The following SEMA6A variants were observed in gnomAD, a reference collection of about 807,000 sequenced individuals.
SEMA6A encodes semaphorin-6A.
Under a neutral mutation model 96.8 loss-of-function variants are expected in SEMA6A, and 25 were observed. That is an observed-to-expected ratio of 0.26 (90% CI 0.19 to 0.36). The LOEUF is 0.36. Among genes scored for constraint, SEMA6A ranks in the 10% least tolerant of loss-of-function variants. The pLI is 1.00. For missense variants in SEMA6A, 1,363 were observed against 1,323.1 expected, an observed-to-expected ratio of 1.03 and a Z score of -0.47; for synonymous variants, 612 against 518.0, an observed-to-expected ratio of 1.18 and a Z score of -2.46.
chr5:116,449,460 A>C, intron 18 of SEMA6A: 1 of 662,044 alleles, frequency 1.5e-6, no homozygotes, highest in South Asian at 1.6e-5. Context: ...CAAGCCCACA[A>C]CACGCAACCT....
intron 1 of SEMA6A, among the ~76,000 whole-genome samples, chr5:116,536,868 A>T (rs1184735841): frequency 8.8e-5 from 9 of 102,182 alleles, no homozygotes; most frequent in Non-Finnish European, 1.3e-4. Flanking sequence ...TGATTTCTTA[A>T]AAAAAAAAAA....
chr5:116,463,388 A>G (rs558286269), intron 18 of SEMA6A, among the ~76,000 whole-genome samples: 1 of 152,210 alleles, frequency 6.6e-6, no homozygotes, highest in East Asian at 1.9e-4. Flanking sequence ...ATAATTAACT[A>G]TAAAGAGAAT....
intron 18 of SEMA6A, among the ~76,000 whole-genome samples, chr5:116,459,774 C>A (rs1282578928): frequency 6.6e-6 from 1 of 152,174 alleles, no homozygotes; most frequent in Non-Finnish European, 1.5e-5. Flanking sequence ...AGACTTCACT[C>A]TGCCCCAGCA....
chr5:116,568,140 C>G (rs1761083108), intron 1 of SEMA6A, among the ~76,000 whole-genome samples: 1 of 152,202 alleles, frequency 6.6e-6, no homozygotes, highest in Non-Finnish European at 1.5e-5. Context: ...GAAGTAGGAT[C>G]TCTGTTATAT....
chr5:116,527,435 T>TG (rs1759277804), intron 1 of SEMA6A, among the ~76,000 whole-genome samples: 2 of 152,270 alleles, frequency 1.3e-5, no homozygotes, highest in South Asian at 4.1e-4. Context: ...AGGAAATACA[T>TG]GCGCTTTTTT....
chr5:116,569,451 T>C (rs1203980425), intron 1 of SEMA6A, among the ~76,000 whole-genome samples: 1 of 152,038 alleles, frequency 6.6e-6, no homozygotes, highest in Non-Finnish European at 1.5e-5. Context: ...AGGAAGGACT[T>C]TGGCTTTTAT....
chr5:116,543,586 A>G (rs183428858), intron 1 of SEMA6A, among the ~76,000 whole-genome samples: 429 of 152,346 alleles, frequency 2.8e-3, no homozygotes, highest in Non-Finnish European at 3.4e-3. Flanking sequence ...TTAATTCACA[A>G]CGTGGTCAAG....
intron 1 of SEMA6A, among the ~76,000 whole-genome samples, chr5:116,559,824 C>G (rs990399318): frequency 3.3e-5 from 5 of 152,212 alleles, no homozygotes; most frequent in African/African-American, 1.2e-4. Context: ...ATCCTGTTGG[C>G]TGTACCATGC....
intron 16 of SEMA6A, 131 bp from the exon 17 acceptor site, chr5:116,473,224 AATTTCTGCG>A (rs1390483432): frequency 2.4e-6 from 2 of 817,804 alleles, no homozygotes; most frequent in Non-Finnish European, 3.9e-6. Context: ...AGTGCTTTTT[AATTTCTGCG>A]TGTAATGTAA....
intron 18 of SEMA6A, among the ~76,000 whole-genome samples, chr5:116,457,898 C>T (rs1301673952): frequency 6.6e-6 from 1 of 152,078 alleles, no homozygotes; most frequent in Non-Finnish European, 1.5e-5. Flanking sequence ...CTTTTTCATC[C>T]TCTGTCTTTC....
At chr5:116,466,036 A>G (rs1755712039) in intron 18 of SEMA6A, among the ~76,000 whole-genome samples, 1 of 149,124 alleles carries the variant, frequency 6.7e-6, no homozygotes, top group Non-Finnish European at 1.5e-5. Flanking sequence ...AAACTGAAAG[A>G]AGGAGATGAG....
intron 1 of SEMA6A, among the ~76,000 whole-genome samples, chr5:116,570,861 T>C (rs1761182565): frequency 6.6e-6 from 1 of 152,256 alleles, no homozygotes; most frequent in Non-Finnish European, 1.5e-5. Flanking sequence ...ATACAAGTTC[T>C]TAATTTGGAT....
chr5:116,445,254 G>A lies in SEMA6A; in HGVS notation c.*1359C>T, dbSNP rs1205982789. On this transcript the variant is annotated 3_prime_UTR_variant, in exon 19 of 19. Transcript: ENST00000343348. ...AATATCTGCACTTATTTCAAAAGGG[G>A]GAACAGTTGATCATAAAGAGTTTAC... 1 of 152,598 alleles carries A rather than the reference G, an allele frequency of 6.6e-6. No individual in the cohort carries two copies. The allele number at this position is 152,598 out of a possible 1,614,324, so 9.5% of individuals were successfully genotyped here. A position where few individuals can be genotyped will look rare whatever the true frequency, so the allele number is the denominator to read the frequency against.
intron 15 of SEMA6A, among the ~76,000 whole-genome samples, chr5:116,476,890 A>T (rs1275340728): frequency 1.3e-5 from 2 of 152,240 alleles, no homozygotes; most frequent in Non-Finnish European, 2.9e-5. Context: ...TTTCTAGGTC[A>T]GATTTTATAG....
intron 1 of SEMA6A, among the ~76,000 whole-genome samples, chr5:116,514,885 TG>T (rs746189697): frequency 2.6e-5 from 4 of 152,234 alleles, no homozygotes; most frequent in Non-Finnish European, 4.4e-5. Context: ...ATTCAGTGGA[TG>T]GGCCCCATAG....
chr5:116,562,959 C>T (rs189922245), intron 1 of SEMA6A: 2 of 581,588 alleles, frequency 3.4e-6, no homozygotes, highest in African/African-American at 3.7e-5. Flanking sequence ...ACGTCCCCCC[C>T]ATCCTCTCTG....
In SEMA6A at chr5:116,447,802, C is replaced by T. The variant is rs769807575; in HGVS notation, c.1904G>A (p.Arg635Gln). 5.0e-6 allele frequency: 8 copies of T among 1,594,824 alleles called. No individual in the cohort carries two copies. The highest frequency in any genetic ancestry group is 1.7e-5 in the Admixed American group (1 of 58,980). ...GTCGTGGCCTTTGAGGTAACTTTCC[C>T]GAATCACTCCTGCAATAGACATCGC... ...HNHQDKKGVI[R>Q]ESYLKGHDQL... Residue 635 changes from arginine (R) to glutamine (Q), a missense_variant, in exon 19 of 19, where the codon CGG becomes CAG. Physicochemically the swap from Arg to Gln is conservative, Grantham distance 43. Coordinates refer to ENST00000343348, the MANE Select transcript of SEMA6A (RefSeq NM_020796.5).
chr5:116,520,630 A>AT (rs1408818186), intron 1 of SEMA6A, among the ~76,000 whole-genome samples: 14 of 152,298 alleles, frequency 9.2e-5, no homozygotes, highest in African/African-American at 3.4e-4. Flanking sequence ...TAGAAACTAT[A>AT]AAGATGATTT....
intron 1 of SEMA6A, among the ~76,000 whole-genome samples, chr5:116,523,040 G>A (rs1759032464): frequency 6.6e-6 from 1 of 152,176 alleles, no homozygotes; most frequent in Non-Finnish European, 1.5e-5. Context: ...ACTGTGCAAG[G>A]ATGTGGTCAA....
Sources: gnomAD v4.1 joint callset for allele counts (sites outside exome capture counted in the v4.1 genomes callset) on GRCh38, gnomAD v4.1.1 for gene constraint, MANE v1.5 for transcripts, NCBI Gene and HGNC (gene_info 2026-07-23, HGNC 2026-07-21) for gene names.